Variants in LYPD5 observed in about 807,000 individuals in gnomAD.
LYPD5 encodes LY6/PLAUR domain containing 5.
Under a neutral mutation model 19.1 loss-of-function variants are expected in LYPD5, and 21 were observed. The ratio of observed to expected loss-of-function variants is 1.10; its 90% confidence interval spans 0.78 to 1.58. The LOEUF (loss-of-function observed/expected upper bound fraction) is 1.58. Among genes scored for constraint, LYPD5 ranks in the 40% most tolerant of loss-of-function variants. The pLI, the probability that LYPD5 is intolerant of heterozygous loss-of-function variation, is 0.00. For missense variants in LYPD5, 287 were observed against 329.8 expected (o/e 0.87, Z 1.00); for synonymous variants, 128 against 142.7 (o/e 0.90, Z 0.74).
rs1028913492 is a variant in LYPD5, at chr19:43,797,299, G to C, written c.*292C>G. The C allele has an allele frequency of 5.1e-6, 2 of 393,160 alleles. No homozygotes were observed. Among genetic ancestry groups the C allele is most frequent in the South Asian group, 4.5e-5 (1 of 22,250 alleles). The allele number at this position is 393,160 out of a possible 1,614,324, so 24.4% of individuals were successfully genotyped here. Reference sequence around the variant, plus strand: ...GGAGAGCACAGGAAGCCGTGTTATGGGGTGCCTGGTGCCTGGCTGGTGCTC... The same window carrying C: ...GGAGAGCACAGGAAGCCGTGTTATGCGGTGCCTGGTGCCTGGCTGGTGCTC... On this transcript the variant is annotated 3_prime_UTR_variant, in exon 5 of 5. Coordinates refer to ENST00000377950, the MANE Select transcript of LYPD5 (RefSeq NM_001031749.3).
intron 1 of LYPD5, among the ~76,000 whole-genome samples, chr19:43,812,255 C>T (rs1010125944): frequency 2.0e-5 from 3 of 152,096 alleles, no homozygotes; most frequent in African/African-American, 7.2e-5. Flanking sequence ...CAGCAAGTCA[C>T]CAGGGTATCC....
intron 1 of LYPD5, among the ~76,000 whole-genome samples, chr19:43,809,109 G>A (rs187150054): frequency 9.1e-4 from 139 of 152,060 alleles, no homozygotes; most frequent in African/African-American, 2.9e-3. Flanking sequence ...GCGTGGTCTC[G>A]GCTCACTGCA....
chr19:43,798,508 T>C lies in LYPD5; in HGVS notation c.464A>G (p.Gln155Arg), dbSNP rs994333879. The C allele has an allele frequency of 1.9e-6, 3 of 1,609,870 alleles. No homozygotes were observed. Among genetic ancestry groups the C allele is most frequent in the Admixed American group, 3.3e-5 (2 of 60,016 alleles). Reference protein sequence around the residue: ...DCAIGRSRRVQCHQDQTACFQ... With the variant: ...DCAIGRSRRVRCHQDQTACFQ... ...GCAGGCGGTCTGGTCCTGGTGACAC[T>C]GGACTCGTCGGGACCTGCCGATAGC... is the stretch of plus-strand genomic sequence containing the variant. Residue 155 changes from glutamine to arginine, a missense_variant, in exon 4 of 5, where the codon CAG (glutamine) becomes CGG (arginine). Transcript: ENST00000377950.
intron 4 of LYPD5, 30 bp downstream of exon 4, chr19:43,798,425 C>T: frequency 6.2e-7 from 1 of 1,601,670 alleles, no homozygotes. Flanking sequence ...TATCCCTTGC[C>T]CAGGCCCTTC....
chr19:43,820,136 C>G (rs893857031), intron 1 of LYPD5, among the ~76,000 whole-genome samples: 1 of 152,198 alleles, frequency 6.6e-6, no homozygotes, highest in Non-Finnish European at 1.5e-5. Context: ...GCACTTTCTT[C>G]TTTTTGACAC....
intron 1 of LYPD5, among the ~76,000 whole-genome samples, chr19:43,811,501 C>T (rs1345664654): frequency 6.6e-6 from 1 of 152,128 alleles, no homozygotes; most frequent in East Asian, 1.9e-4. Flanking sequence ...GACTGGCCAA[C>T]AGGGCGAAAC....
chr19:43,800,993 T>C (rs868369254), intron 1 of LYPD5, among the ~76,000 whole-genome samples: 63 of 134,822 alleles, frequency 4.7e-4, no homozygotes, highest in Middle Eastern at 4.4e-3. Flanking sequence ...AAATCACATA[T>C]GGATACAAAA....
chr19:43,798,699 G>C (rs978959757), intron 3 of LYPD5, 98 bp from the exon 4 acceptor site: 3 of 1,582,210 alleles, frequency 1.9e-6, no homozygotes, highest in African/African-American at 2.7e-5. Context: ...CACGTCTCGG[G>C]GGTTGGGATC....
At chr19:43,815,808 G>A in intron 1 of LYPD5, 1 of 368,044 alleles carries the variant, frequency 2.7e-6, no homozygotes, top group South Asian at 2.2e-5. Context: ...CGCGATCTCA[G>A]CTCACTGCAA....
intron 1 of LYPD5, among the ~76,000 whole-genome samples, chr19:43,820,273 A>G (rs563088488): frequency 6.6e-6 from 1 of 152,272 alleles, no homozygotes; most frequent in Admixed American, 6.5e-5. Flanking sequence ...CTGTGTCACA[A>G]GACATCCCAG....
intron 2 of LYPD5, 144 bp from the exon 3 acceptor site, chr19:43,799,132 C>T (rs1047789337): frequency 2.1e-6 from 2 of 931,432 alleles, no homozygotes; most frequent in African/African-American, 3.4e-5. Flanking sequence ...ACCCCCAGAC[C>T]TTTTCCCCCG....
chr19:43,802,207 A>AGACCCAGGAGTCCAGGCCCCCTG (rs1290801318), intron 1 of LYPD5, 110 bp downstream of exon 1: 1 of 635,786 alleles, frequency 1.6e-6, no homozygotes, highest in Non-Finnish European at 2.5e-6. Context: ...CAGGCCCCCA[A>AGACCCAGGAGTCCAGGCCCCCTG]CCCCTCCTCC....
chr19:43,798,630 G>A (rs775105300), intron 3 of LYPD5, 29 bp from the exon 4 acceptor site: 28 of 1,609,834 alleles, frequency 1.7e-5, no homozygotes, highest in Non-Finnish European at 2.4e-5. Context: ...TGCACACTCA[G>A]GCAGTGGTAC....
chr19:43,806,753 A>G (rs920386726), upstream of LYPD5, among the ~76,000 whole-genome samples: 25 of 152,208 alleles, frequency 1.6e-4, no homozygotes, highest in African/African-American at 6.0e-4. Context: ...TTATTTCATC[A>G]TATATTACAA....
intron 1 of LYPD5, among the ~76,000 whole-genome samples, chr19:43,817,214 T>C (rs1017256821): frequency 6.6e-6 from 1 of 152,078 alleles, no homozygotes; most frequent in African/African-American, 2.4e-5. Context: ...TAATGGTTGG[T>C]TGGTTATTGT....
At chr19:43,816,913 T>A (rs1970380116) in intron 1 of LYPD5, among the ~76,000 whole-genome samples, 1 of 152,328 alleles carries the variant, frequency 6.6e-6, no homozygotes, top group East Asian at 1.9e-4. Context: ...CTGGCTGCCA[T>A]GTAAGATGTC....
At chr19:43,803,193 C>A (rs1970243439), upstream of LYPD5, among the ~76,000 whole-genome samples, 3 of 151,734 alleles carry the variant, frequency 2.0e-5, no homozygotes, top group Admixed American at 2.0e-4. Flanking sequence ...AAGAGGGACA[C>A]CCCGATAGAC....
At chr19:43,806,754 T>C (rs1167913920), upstream of LYPD5, among the ~76,000 whole-genome samples, 2 of 152,196 alleles carry the variant, frequency 1.3e-5, no homozygotes, top group Non-Finnish European at 2.9e-5. Context: ...TATTTCATCA[T>C]ATATTACAAT....
chr19:43,811,206 G>A (rs748875520), intron 1 of LYPD5, among the ~76,000 whole-genome samples: 1 of 152,132 alleles, frequency 6.6e-6, no homozygotes, highest in Non-Finnish European at 1.5e-5. Context: ...TGGGTGCCAT[G>A]GCTTATGCCT....
Sources: allele counts gnomAD v4.1 joint callset (sites outside exome capture counted in the v4.1 genomes callset), GRCh38; gene constraint gnomAD v4.1.1; transcripts MANE v1.5; gene names NCBI Gene and HGNC (gene_info 2026-07-23, HGNC 2026-07-21).